Variants in FBLN7 observed in about 807,000 individuals in gnomAD.
FBLN7 encodes the protein fibulin-7.
FBLN7 carries 31 observed loss-of-function variants against 44.0 expected under a neutral mutation model. The observed-to-expected ratio is 0.70, with a 90% CI of 0.53 to 0.95. The LOEUF is 0.95. FBLN7 is among the 40% of genes least tolerant of loss of function. FBLN7 has a pLI of 0.00. For missense variants in FBLN7, 573 were observed against 618.5 expected, an observed-to-expected ratio of 0.93 and a Z score of 0.78; for synonymous variants, 262 against 253.4, an observed-to-expected ratio of 1.03 and a Z score of -0.32.
intron 1 of FBLN7, among the ~76,000 whole-genome samples, chr2:112,143,483 A>G (rs1248892903): frequency 6.6e-6 from 1 of 152,124 alleles, no homozygotes; most frequent in Non-Finnish European, 1.5e-5. Flanking sequence ...TCATTCTTTT[A>G]GTTGCCTCCT....
At chr2:112,197,765 A>C in the FBLN7 span, among the ~76,000 whole-genome samples, 1 of 152,230 alleles carries the variant, frequency 6.6e-6, no homozygotes, top group Non-Finnish European at 1.5e-5. Flanking sequence ...GTGTAACTGC[A>C]GCTAAATTTA....
chr2:112,196,254 A>G, the FBLN7 span, among the ~76,000 whole-genome samples: 1 of 152,180 alleles, frequency 6.6e-6, no homozygotes, highest in African/African-American at 2.4e-5. Flanking sequence ...GGGAGAAAAT[A>G]AAATGACAAG....
the FBLN7 span, among the ~76,000 whole-genome samples, chr2:112,235,019 T>C: frequency 1.3e-5 from 2 of 151,870 alleles, no homozygotes; most frequent in African/African-American, 4.8e-5. Flanking sequence ...CCGTCAAAGA[T>C]GGTGATAAAG....
At chr2:112,232,089 C>T in the FBLN7 span, 1 of 425,038 alleles carries the variant, frequency 2.4e-6, no homozygotes, top group Non-Finnish European at 4.1e-6. Flanking sequence ...GTGGGCAGAT[C>T]ACTTGAGGCC....
downstream of FBLN7, chr2:112,188,435 T>A (rs1683373660): frequency 6.6e-6 from 1 of 152,222 alleles, no homozygotes. Context: ...GCTTGAGTTG[T>A]CATAGATTCC....
intron 3 of FBLN7, among the ~76,000 whole-genome samples, chr2:112,169,273 G>T (rs1044186174): frequency 6.6e-6 from 1 of 151,938 alleles, no homozygotes; most frequent in Admixed American, 6.6e-5. Context: ...ACTCCGTCTC[G>T]GGAGAAAAAC....
rs145661100 is a variant in FBLN7, at chr2:112,166,087, G to A, written c.406+916G>A. ...TTTGTTTGAGACGGAGTCTCGCTCC[G>A]TTGCCCAGTCTGGAGTGCAGTGGCA... is the stretch of plus-strand genomic sequence containing the variant. On this transcript the variant is annotated intron_variant, in intron 3 of 7. Coordinates refer to ENST00000331203, the MANE Select transcript of FBLN7 (RefSeq NM_153214.3). 1.4e-3 allele frequency among the ~76,000 whole-genome samples: 217 copies of A among 152,320 alleles called. 1 individual carries two copies. Among genetic ancestry groups the A allele is most frequent in the Admixed American group, 4.1e-3 (62 of 15,306 alleles).
At chr2:112,143,365 A>C (rs1441288631) in intron 1 of FBLN7, among the ~76,000 whole-genome samples, 1 of 151,982 alleles carries the variant, frequency 6.6e-6, no homozygotes, top group Non-Finnish European at 1.5e-5. Context: ...GCTCCCGGCC[A>C]CCTCCTCGCC....
At chr2:112,222,564 G>A in the FBLN7 span, among the ~76,000 whole-genome samples, 7 of 152,330 alleles carry the variant, frequency 4.6e-5, no homozygotes, top group Non-Finnish European at 1.5e-5. Context: ...TCACTTACAT[G>A]AGATACCTAC....
chr2:112,194,289 G>A, the FBLN7 span, among the ~76,000 whole-genome samples: 1 of 152,220 alleles, frequency 6.6e-6, no homozygotes, highest in Non-Finnish European at 1.5e-5. Context: ...ATTTTCATAT[G>A]TACAAGCTAA....
Position 112,138,519 on chromosome 2 carries a change from T to G in FBLN7, c.-137T>G, listed in dbSNP as rs1038361302. On this transcript the variant is annotated 5_prime_UTR_variant, in exon 1 of 8. Transcript: ENST00000331203. ...CGCGCTGCGCTCGGGGCCTCCCGCC[T>G]CCCCCCCTGCCCCAGCCGCCCCCCG... 1.5e-4 allele frequency: 175 copies of G among 1,187,090 alleles called. No individual in the cohort carries two copies. The highest frequency in any genetic ancestry group is 1.7e-4 in the Non-Finnish European group (153 of 882,632). 73.5% of individuals were successfully genotyped at this position (1,187,090 alleles called of 1,614,324 possible). A position where few individuals can be genotyped will look rare whatever the true frequency, so the allele number is the denominator to read the frequency against.
the FBLN7 span, among the ~76,000 whole-genome samples, chr2:112,222,873 A>G: frequency 6.6e-6 from 1 of 152,258 alleles, no homozygotes; most frequent in Admixed American, 6.5e-5. Flanking sequence ...TTTCAAAACT[A>G]TATGAATGAA....
chr2:112,211,260 C>A, the FBLN7 span, among the ~76,000 whole-genome samples: 1 of 152,148 alleles, frequency 6.6e-6, no homozygotes, highest in Non-Finnish European at 1.5e-5. Context: ...GATTTGAGAC[C>A]TTAATTGCAT....
chr2:112,236,822 G>A, the FBLN7 span: 1 of 878,844 alleles, frequency 1.1e-6, no homozygotes, highest in Admixed American at 2.6e-5. Flanking sequence ...TGAGGCAGGA[G>A]GACTGCTCAA....
At chr2:112,210,428 G>A in the FBLN7 span, among the ~76,000 whole-genome samples, 1 of 152,112 alleles carries the variant, frequency 6.6e-6, no homozygotes, top group South Asian at 2.1e-4. Context: ...GGCCAAGACA[G>A]ATGGATCACC....
At chr2:112,197,302 G>GAC in the FBLN7 span, among the ~76,000 whole-genome samples, 1 of 149,362 alleles carries the variant, frequency 6.7e-6, no homozygotes, top group Non-Finnish European at 1.5e-5. Context: ...GAGAGAGAGA[G>GAC]AGAGACAGAG....
chr2:112,189,859 T>C (rs542171990), downstream of FBLN7: 7 of 152,320 alleles, frequency 4.6e-5, no homozygotes, highest in African/African-American at 1.7e-4. Flanking sequence ...ATAACCAAAA[T>C]GCCATTCACA....
chr2:112,200,012 A>G, the FBLN7 span, among the ~76,000 whole-genome samples: 2 of 152,178 alleles, frequency 1.3e-5, no homozygotes, highest in Non-Finnish European at 1.5e-5. Flanking sequence ...TAAGTTACCC[A>G]GTCTGTGGTA....
chr2:112,192,538 G>C (rs886532322), downstream of FBLN7, among the ~76,000 whole-genome samples: 2 of 152,154 alleles, frequency 1.3e-5, no homozygotes, highest in African/African-American at 4.8e-5. Flanking sequence ...TAGGATTCTG[G>C]ATGGGTTTTA....
Sources: allele counts gnomAD v4.1 joint callset (sites outside exome capture counted in the v4.1 genomes callset), GRCh38; gene constraint gnomAD v4.1.1; transcripts MANE v1.5; gene names NCBI Gene and HGNC (gene_info 2026-07-23, HGNC 2026-07-21).